The following ZFHX3 variants were observed in gnomAD, a reference collection of about 807,000 sequenced individuals.
ZFHX3 encodes zinc finger homeobox 3.
In ZFHX3, 42 loss-of-function variants were observed where a neutral mutation model predicts 279.1. The observed-to-expected ratio is 0.15, with a 90% confidence interval of 0.12 to 0.19. The LOEUF (loss-of-function observed/expected upper bound fraction) is 0.19. Among genes scored for constraint, ZFHX3 ranks in the 10% least tolerant of loss-of-function variants. The pLI, the probability that ZFHX3 is intolerant of heterozygous loss-of-function variation, is 1.00. For synonymous variants in ZFHX3, 2,293 were observed against 1,957.8 expected, an observed-to-expected ratio of 1.17 and a Z score of -4.52; for missense variants, 4,981 against 4,754.0, an observed-to-expected ratio of 1.05 and a Z score of -1.40.
At chr16:73,735,897 T>TG (rs1555536004) in intron 1 of ZFHX3, among the ~76,000 whole-genome samples, 7 of 6,012 alleles carry the variant, frequency 1.2e-3, no homozygotes, top group Non-Finnish European at 5.6e-3. Flanking sequence ...TTCCGTTTTT[T>TG]TTTTTTTTTT....
chr16:72,788,343 A>C lies in ZFHX3; in HGVS notation c.9933T>G (p.Phe3311Leu). ...ALLTSQFLPY[F>L]VPGFSPYYAP... ...CATAATAAGGAGAAAAGCCTGGTAC[A>C]AAGTAAGGAAGGAACTGGCTTGTGA... The change falls in exon 10 of 10, where the codon TTT (phenylalanine) becomes TTG (leucine). Residue 3311 changes from phenylalanine (F) to leucine (L), a missense_variant. Around this residue, in one of 7 missense-constraint regions of ZFHX3, gnomAD observed 1,034 missense variants for 786.0 expected, o/e 1.32. Coordinates refer to ENST00000268489, the MANE Select transcript of ZFHX3 (RefSeq NM_006885.4). 3 of 1,614,186 alleles carry C rather than the reference A, an allele frequency of 1.9e-6. No homozygotes were observed. The highest frequency in any genetic ancestry group is 2.5e-6 in the Non-Finnish European group (3 of 1,180,032).
At chr16:73,792,836 G>T (rs185555199) in intron 1 of ZFHX3, among the ~76,000 whole-genome samples, 335 of 150,992 alleles carry the variant, frequency 2.2e-3, no homozygotes, top group African/African-American at 7.8e-3. Context: ...CATGTAGTTT[G>T]GCCCTTGACC....
chr16:73,041,342 T>C (rs1053120709), intron 1 of ZFHX3, among the ~76,000 whole-genome samples: 2 of 147,942 alleles, frequency 1.4e-5, no homozygotes, highest in African/African-American at 5.1e-5. Flanking sequence ...TCCCCAAATA[T>C]ACCTCTGGAT....
intron 2 of ZFHX3, among the ~76,000 whole-genome samples, chr16:73,576,202 C>T (rs955743527): frequency 3.9e-5 from 6 of 152,200 alleles, no homozygotes; most frequent in African/African-American, 1.2e-4. Flanking sequence ...GCCAGGACTC[C>T]GTAATCTGTA....
At chr16:72,805,507 AGGCACAGACCTCCTT>A (rs946169686) in intron 7 of ZFHX3, among the ~76,000 whole-genome samples, 42 of 152,340 alleles carry the variant, frequency 2.8e-4, no homozygotes, top group Middle Eastern at 6.8e-3. Context: ...GAGAGACCTC[AGGCACAGACCTCCTT>A]GGCACAGACC....
chr16:73,780,285 C>CAT (rs1487381502), intron 1 of ZFHX3, among the ~76,000 whole-genome samples: 1 of 150,614 alleles, frequency 6.6e-6, no homozygotes, highest in East Asian at 2.0e-4. Flanking sequence ...GTAGCTGGGG[C>CAT]TACAGGCATA....
chr16:72,892,728 G>A (rs2038804227), intron 3 of ZFHX3, among the ~76,000 whole-genome samples: 1 of 152,148 alleles, frequency 6.6e-6, no homozygotes, highest in South Asian at 2.1e-4. Flanking sequence ...GGCTGGTCTC[G>A]AACTCCTGAC....
intron 4 of ZFHX3, among the ~76,000 whole-genome samples, chr16:73,279,967 G>A (rs1377178131): frequency 2.0e-5 from 3 of 152,182 alleles, no homozygotes; most frequent in Non-Finnish European, 2.9e-5. Flanking sequence ...ATAAACTCAT[G>A]TATAGATGGT....
chr16:72,960,869 G>T (rs537635510), intron 1 of ZFHX3, among the ~76,000 whole-genome samples: 2 of 152,212 alleles, frequency 1.3e-5, no homozygotes, highest in East Asian at 3.9e-4. Flanking sequence ...TCTGGGAGGC[G>T]TCAGTCCCAT....
At chr16:73,830,666 C>A (rs909584127) in intron 1 of ZFHX3, among the ~76,000 whole-genome samples, 1 of 152,218 alleles carries the variant, frequency 6.6e-6, no homozygotes, top group African/African-American at 2.4e-5. Flanking sequence ...TTCTCTTCTA[C>A]AAATTGTCAA....
intron 1 of ZFHX3, among the ~76,000 whole-genome samples, chr16:72,976,813 T>C (rs1025724294): frequency 4.6e-5 from 7 of 152,182 alleles, no homozygotes; most frequent in African/African-American, 1.7e-4. Flanking sequence ...GCTGGACAAG[T>C]GGCACCGCCG....
intron 2 of ZFHX3, among the ~76,000 whole-genome samples, chr16:73,577,531 T>C (rs1028929213): frequency 1.3e-5 from 2 of 152,204 alleles, no homozygotes; most frequent in Non-Finnish European, 2.9e-5. Flanking sequence ...GGCTGTTTCT[T>C]ATGTTTTAAT....
At chr16:73,707,541 GAGAACAC>G (rs2053316516) in intron 1 of ZFHX3, among the ~76,000 whole-genome samples, 1 of 137,184 alleles carries the variant, frequency 7.3e-6, no homozygotes, top group Admixed American at 8.2e-5. Context: ...ACTGAACAAT[GAGAACAC>G]AGGGACACAG....
At chr16:72,998,413 T>A (rs1342638777) in intron 1 of ZFHX3, among the ~76,000 whole-genome samples, 1 of 152,046 alleles carries the variant, frequency 6.6e-6, no homozygotes, top group Non-Finnish European at 1.5e-5. Context: ...AAAATAATAA[T>A]ACTAATAAGG....
At chr16:73,759,483 T>A (rs1490759919) in intron 1 of ZFHX3, among the ~76,000 whole-genome samples, 1 of 152,190 alleles carries the variant, frequency 6.6e-6, no homozygotes, top group East Asian at 1.9e-4. Flanking sequence ...CCATACACCC[T>A]GCTAAAAATT....
At position 72,796,461 on chromosome 16, in the gene ZFHX3, G is replaced by A. The variant is rs137912490; in HGVS notation, c.6221C>T (p.Pro2074Leu). ...IPASAPPITS[P>L]TIAPAQPSVP... ...TGATGGCTGGGCCGGTGCAATTGTA[G>A]GTGAGGTGATGGGTGGGGCTGATGC... Residue 2074 changes from proline (P) to leucine (L), a missense_variant, in exon 9 of 10, where the codon CCT becomes CTT. Physicochemically the swap from Pro to Leu is moderately conservative, Grantham distance 98. This residue lies in a region of ZFHX3 where 1,751 missense variants were observed against 1,770.0 expected (regional missense o/e 0.99). Coordinates refer to ENST00000268489, the MANE Select transcript of ZFHX3 (RefSeq NM_006885.4). 3 of 1,609,036 alleles carry A rather than the reference G, an allele frequency of 1.9e-6. No homozygotes were observed. In the Admixed American group the frequency reaches 5.0e-5, roughly 27 times the overall value.
intron 2 of ZFHX3, among the ~76,000 whole-genome samples, chr16:73,626,812 A>G (rs74030139): frequency 1.4e-4 from 22 of 152,254 alleles, no homozygotes; most frequent in African/African-American, 5.1e-4. Context: ...TAAACCTTTC[A>G]TTATACTATT....
At chr16:73,719,618 G>A (rs184233169) in intron 1 of ZFHX3, among the ~76,000 whole-genome samples, 2 of 152,178 alleles carry the variant, frequency 1.3e-5, no homozygotes, top group Admixed American at 6.5e-5. Flanking sequence ...GGGTATTATA[G>A]GCATTATTTC....
chr16:73,443,502 G>A (rs1463513178), intron 3 of ZFHX3, among the ~76,000 whole-genome samples: 3 of 152,000 alleles, frequency 2.0e-5, no homozygotes, highest in Non-Finnish European at 4.4e-5. Flanking sequence ...GGAGATCCAC[G>A]GTGATCATTT....
Sources: allele counts gnomAD v4.1 joint callset (sites outside exome capture counted in the v4.1 genomes callset), GRCh38; gene constraint gnomAD v4.1.1; regional missense constraint gnomAD v4.1.1; transcripts MANE v1.5; gene names NCBI Gene and HGNC (gene_info 2026-07-23, HGNC 2026-07-21).